The following TRIM31 variants were observed in gnomAD, a reference collection of about 807,000 sequenced individuals.
TRIM31 encodes tripartite motif containing 31.
Under a neutral mutation model 40.6 loss-of-function variants are expected in TRIM31, and 31 were observed. The ratio of observed to expected loss-of-function variants is 0.76; its 90% CI spans 0.57 to 1.03. The LOEUF is 1.03. Among genes scored for constraint, TRIM31 ranks in the 50% least tolerant of loss-of-function variants. The pLI is 0.00. For missense variants in TRIM31, 455 were observed against 497.5 expected (o/e 0.91, Z 0.81); for synonymous variants, 164 against 193.9 (o/e 0.85, Z 1.28).
intron 8 of TRIM31, 88 bp downstream of exon 8, chr6:30,104,014 T>G: frequency 7.0e-7 from 1 of 1,425,220 alleles, no homozygotes; most frequent in Non-Finnish European, 9.8e-7. Flanking sequence ...TTTATTCATT[T>G]ATTCCATTTA....
chr6:30,111,844 G>C, intron 2 of TRIM31, 101 bp from the exon 3 acceptor site: 1 of 1,078,496 alleles, frequency 9.3e-7, no homozygotes, highest in Non-Finnish European at 1.4e-6. Context: ...CTCCAGGTGA[G>C]TCCTTGTGTA....
intron 8 of TRIM31, 145 bp from the exon 9 acceptor site, chr6:30,103,934 C>G: frequency 1.4e-6 from 2 of 1,407,076 alleles, no homozygotes; most frequent in South Asian, 1.3e-5. Context: ...CAAGTCGGAG[C>G]GCCCTCTGTT....
Position 30,112,847 on chromosome 6 carries a change from C to T in TRIM31, c.-42G>A. ...TGTTTCAAGACTGTAGGAAGCTGTG[C>T]CAAGTCTGTAGGAGCCCCGGAGTCC... On this transcript the variant is annotated 5_prime_UTR_variant, in exon 2 of 9. Coordinates refer to ENST00000376734, the MANE Select transcript of TRIM31 (RefSeq NM_007028.5). 6.5e-7 allele frequency: 1 copy of T among 1,547,220 alleles called. No homozygotes were observed. The highest frequency in any genetic ancestry group is 8.7e-7 in the Non-Finnish European group (1 of 1,150,400).
chr6:30,108,166 CT>C lies in TRIM31; in HGVS notation c.769del (p.Ser257ValfsTer34). 6.2e-7 allele frequency: 1 copy of C among 1,605,548 alleles called. No homozygotes were observed. Among genetic ancestry groups the C allele is most frequent in the Non-Finnish European group, 8.5e-7 (1 of 1,173,552 alleles). ...LEDIKVVLCR[S>X]EEFQFLNPTP... ...TGGGTTGAGAAACTGAAACTCTTCA[CT>C]TCTAGGAAGATGTGGTTGAGCTGGT... On this transcript the variant is annotated frameshift_variant and splice_region_variant, in exon 6 of 9. Coordinates refer to ENST00000376734, the MANE Select transcript of TRIM31 (RefSeq NM_007028.5). LOFTEE classifies it high-confidence loss of function.
chr6:30,112,241 C>T, intron 2 of TRIM31, 148 bp downstream of exon 2: 1 of 792,564 alleles, frequency 1.3e-6, no homozygotes, highest in Non-Finnish European at 2.0e-6. Context: ...GCTCTTTGAA[C>T]CCACTGTGCC....
At chr6:30,111,354 G>A (rs1769292783) in intron 3 of TRIM31, 2 of 406,620 alleles carry the variant, frequency 4.9e-6, no homozygotes, top group East Asian at 4.5e-5. Context: ...TTTTCTAATT[G>A]GGGAATCCGT....
Position 30,112,432 on chromosome 6 carries a change from G to A in TRIM31, c.374C>T (p.Ser125Phe). 1 of 1,613,018 alleles carries A rather than the reference G, an allele frequency of 6.2e-7. No individual in the cohort carries two copies. Among genetic ancestry groups the A allele is most frequent in the South Asian group, 1.1e-5 (1 of 91,066 alleles). Reference sequence around the variant, plus strand: ...TTCTTCGATCAAGCTGACATTATGGGATTTGTGGTCCTTGGATTCACGACA... The same window carrying A: ...TTCTTCGATCAAGCTGACATTATGGAATTTGTGGTCCTTGGATTCACGACA... ...FVCRESKDHK[S>F]HNVSLIEEAA... The change falls in exon 2 of 9, where the codon TCC becomes TTC. Residue 125 changes from serine to phenylalanine, a missense_variant. By Grantham distance (155) the Ser-to-Phe change is radical. Transcript: ENST00000376734.
intron 4 of TRIM31, among the ~76,000 whole-genome samples, chr6:30,110,179 A>T (rs1184396528): frequency 2.6e-5 from 4 of 152,150 alleles, no homozygotes; most frequent in Admixed American, 6.5e-5. Flanking sequence ...TATCATTTTA[A>T]TGTGACTAAC....
chr6:30,103,407 C>T lies in TRIM31; in HGVS notation c.*129G>A. 1 of 1,398,394 alleles carries T rather than the reference C, an allele frequency of 7.2e-7. No homozygotes were observed. The highest frequency in any genetic ancestry group is 9.7e-7 in the Non-Finnish European group (1 of 1,028,698). The allele number at this position is 1,398,394 out of a possible 1,614,324, so 86.6% of individuals were successfully genotyped here. A position where few individuals can be genotyped will look rare whatever the true frequency, so the allele number is the denominator to read the frequency against. The stretch of plus-strand genomic sequence containing the variant: ...TCCACTCTCAGTAGCCCGAGCCCTC[C>T]CATTCTCCACTCCTTCGACCCAATT... On this transcript the variant is annotated 3_prime_UTR_variant, in exon 9 of 9. Transcript: ENST00000376734.
chr6:30,104,872 T>C (rs1768525812), intron 7 of TRIM31, among the ~76,000 whole-genome samples: 1 of 152,120 alleles, frequency 6.6e-6, no homozygotes, highest in Non-Finnish European at 1.5e-5. Flanking sequence ...CAGCAAATAC[T>C]ACAGAGGTGG....
At position 30,112,862 on chromosome 6, in the gene TRIM31, C is replaced by A. The variant is rs942580882; in HGVS notation, c.-57G>T. On this transcript the variant is annotated 5_prime_UTR_variant, in exon 2 of 9. Coordinates refer to ENST00000376734, the MANE Select transcript of TRIM31 (RefSeq NM_007028.5). Reference sequence around the variant, plus strand: ...GGAAGCTGTGCCAAGTCTGTAGGAGCCCCGGAGTCCACTGTGGATACTGTT... The same window carrying A: ...GGAAGCTGTGCCAAGTCTGTAGGAGACCCGGAGTCCACTGTGGATACTGTT... The A allele has an allele frequency of 3.3e-6, 5 of 1,514,994 alleles. No homozygotes were observed. The highest frequency in any genetic ancestry group is 1.4e-5 in the African/African-American group (1 of 71,890). The allele number at this position is 1,514,994 out of a possible 1,614,324, so 93.8% of individuals were successfully genotyped here.
At chr6:30,107,128 TA>T (rs1768793688) in intron 6 of TRIM31, among the ~76,000 whole-genome samples, 1 of 150,236 alleles carries the variant, frequency 6.7e-6, no homozygotes, top group Non-Finnish European at 1.5e-5. Context: ...AACAAATAAA[TA>T]AAGTTGCTAG....
chr6:30,106,162 A>G (rs935125063), intron 6 of TRIM31, among the ~76,000 whole-genome samples: 15 of 152,134 alleles, frequency 9.9e-5, no homozygotes, highest in Non-Finnish European at 1.8e-4. Flanking sequence ...ATGGGGAGCT[A>G]CTTCTGGCCC....
Position 30,108,051 on chromosome 6 carries a change from A to G in TRIM31, c.883+2T>C. On this transcript the variant is annotated splice_donor_variant, in intron 6 of 8. Transcript: ENST00000376734. LOFTEE classifies it high-confidence loss of function. ...ATAGAGAAAATACAGCCTCTTCCTT[A>G]CCTTTGAATTTTTTTAGGCTCCCTG... is the stretch of plus-strand genomic sequence containing the variant. 1.3e-6 allele frequency: 2 copies of G among 1,574,944 alleles called. No homozygotes were observed. The highest frequency in any genetic ancestry group is 1.7e-6 in the Non-Finnish European group (2 of 1,145,898).
chr6:30,111,573 G>A, intron 3 of TRIM31, 75 bp downstream of exon 3: 23 of 1,448,440 alleles, frequency 1.6e-5, no homozygotes, highest in Non-Finnish European at 2.1e-5. Context: ...TGAGGGGTCA[G>A]TGTAATAGGG....
chr6:30,105,823 C>A (rs981502861), intron 6 of TRIM31, among the ~76,000 whole-genome samples: 1 of 152,356 alleles, frequency 6.6e-6, no homozygotes, highest in African/African-American at 2.4e-5. Flanking sequence ...ACAAAGAGTG[C>A]CTTGAGGCTT....
At chr6:30,111,440 T>C in intron 3 of TRIM31, 1 of 553,260 alleles carries the variant, frequency 1.8e-6, no homozygotes, top group Middle Eastern at 4.8e-4. Context: ...CCCCACCTTG[T>C]CTGCCGGTGG....
Position 30,111,677 on chromosome 6 carries a change from G to C in TRIM31, c.484C>G (p.Gln162Glu). The C allele has an allele frequency of 8.1e-6, 13 of 1,614,226 alleles. No homozygotes were observed. Among genetic ancestry groups the C allele is most frequent in the South Asian group, 1.1e-5 (1 of 91,086 alleles). Residue 162 changes from glutamine to glutamate, a missense_variant, in exon 3 of 9, where the codon CAA (glutamine) becomes GAA (glutamate). By Grantham distance (29) the Gln-to-Glu change is conservative (BLOSUM62 2). Coordinates refer to ENST00000376734, the MANE Select transcript of TRIM31 (RefSeq NM_007028.5). Reference protein sequence around the residue: ...KEKETVQVKAQGVHRVDVFTD... With the variant: ...KEKETVQVKAEGVHRVDVFTD... Reference sequence around the variant, plus strand: ...AAGACATCGACCCTGTGTACACCTTGTGCCTTCACTTGTACTGTCTCCTTC... The same window carrying C: ...AAGACATCGACCCTGTGTACACCTTCTGCCTTCACTTGTACTGTCTCCTTC...
intron 6 of TRIM31, among the ~76,000 whole-genome samples, chr6:30,106,274 C>A (rs1287658570): frequency 6.6e-6 from 1 of 152,316 alleles, no homozygotes; most frequent in Non-Finnish European, 1.5e-5. Flanking sequence ...AGCCACCAGC[C>A]CAGTCATGGG....
Sources: allele counts gnomAD v4.1 joint callset (sites outside exome capture counted in the v4.1 genomes callset), GRCh38; gene constraint gnomAD v4.1.1; transcripts MANE v1.5; gene names NCBI Gene and HGNC (gene_info 2026-07-23, HGNC 2026-07-21).